The following PGC variants were observed in gnomAD, a reference collection of about 807,000 sequenced individuals.
PGC encodes the protein progastricsin, also known as gastricsin.
In PGC, 31 loss-of-function variants were observed where a neutral mutation model predicts 45.9. The ratio of observed to expected loss-of-function variants is 0.67; its 90% CI spans 0.51 to 0.91. The LOEUF (loss-of-function observed/expected upper bound fraction) is 0.91. Among genes scored for constraint, PGC ranks in the 40% least tolerant of loss-of-function variants. PGC has a pLI of 0.00. For missense variants in PGC, 477 were observed against 493.2 expected, an observed-to-expected ratio of 0.97 and a Z score of 0.31; for synonymous variants, 192 against 201.8, an observed-to-expected ratio of 0.95 and a Z score of 0.41.
In PGC at chr6:41,739,945, A is replaced by T. The variant is rs764307365; in HGVS notation, c.769T>A (p.Phe257Ile). 2 of 1,613,736 alleles carry T rather than the reference A, an allele frequency of 1.2e-6. No homozygotes were observed. Among genetic ancestry groups the T allele is most frequent in the South Asian group, 2.2e-5 (2 of 91,050 alleles). The change falls in exon 7 of 9, where the codon TTC becomes ATC. Residue 257 changes from phenylalanine (F) to isoleucine (I), a missense_variant and splice_region_variant. Transcript: ENST00000373025. ...CCGGAGGCCTGGCCGCCGATGAGGA[A>T]CCTGTATGGGGAGAAGACAGGCAGC... is the stretch of plus-strand genomic sequence containing the variant. ...ELYWQIGIEE[F>I]LIGGQASGWC...
At chr6:41,741,934 G>A (rs570620898) in intron 5 of PGC, 23 of 1,014,316 alleles carry the variant, frequency 2.3e-5, no homozygotes, top group Admixed American at 2.2e-4. Context: ...GGAAGTGAGC[G>A]AACTGCCCCA....
Position 41,744,669 on chromosome 6 carries a change from C to T in PGC, c.199G>A (p.Ala67Thr), listed in dbSNP as rs1488407732. Reference protein sequence around the residue: ...GDLSVTYEPMAYMDAAYFGEI... With the variant: ...GDLSVTYEPMTYMDAAYFGEI... ...GGGTCAGGACTCACATCCATGTAGG[C>T]CATGGGCTCGTAGGTCACGCTGAGG... is the stretch of plus-strand genomic sequence containing the variant. Residue 67 changes from alanine to threonine, a missense_variant, in exon 2 of 9, where the codon GCC becomes ACC. Ala to Thr is a moderately conservative substitution (Grantham distance 58). Coordinates refer to ENST00000373025, the MANE Select transcript of PGC (RefSeq NM_002630.4). This position sits in a 1 kb window ranked among gnomAD's most constrained non-coding sequence, Gnocchi z 4.4. The T allele has an allele frequency of 6.2e-7, 1 of 1,614,090 alleles. No individual in the cohort carries two copies. Among genetic ancestry groups the T allele is most frequent in the Admixed American group, 1.7e-5 (1 of 60,016 alleles).
At chr6:41,737,613 G>A in intron 8 of PGC, 117 bp downstream of exon 8, 1 of 631,474 alleles carries the variant, frequency 1.6e-6, no homozygotes, top group Non-Finnish European at 2.9e-6. Context: ...GAAGATAAAT[G>A]AGTACAAGCG....
chr6:41,743,550 C>T (rs868620439), intron 3 of PGC, among the ~76,000 whole-genome samples, 161 bp from the exon 4 acceptor site: 7 of 152,122 alleles, frequency 4.6e-5, no homozygotes, highest in Non-Finnish European at 1.0e-4. Context: ...ATTGGAAGGC[C>T]CATGGGAGCT....
At chr6:41,743,970 G>T (rs1771878834) in intron 3 of PGC, among the ~76,000 whole-genome samples, 1 of 152,174 alleles carries the variant, frequency 6.6e-6, no homozygotes, top group African/African-American at 2.4e-5. Flanking sequence ...ATCCTATATT[G>T]TTCTGTTGTG....
In PGC at chr6:41,739,789, C is replaced by G. The variant is rs199839907; in HGVS notation, c.915+10G>C. On this transcript the variant is annotated intron_variant, in intron 7 of 8. Coordinates refer to ENST00000373025, the MANE Select transcript of PGC (RefSeq NM_002630.4). The stretch of plus-strand genomic sequence containing the variant: ...CTCCTGGGGAAGAGAGACACCCTCA[C>G]CAGTCACACCTGTCCATACTCATCC... 43 of 1,603,022 alleles carry G rather than the reference C, an allele frequency of 2.7e-5. No individual in the cohort carries two copies. The highest frequency in any genetic ancestry group is 3.6e-5 in the Non-Finnish European group (42 of 1,173,926).
At chr6:41,740,211 C>T (rs189578363) in intron 6 of PGC, among the ~76,000 whole-genome samples, 2 of 152,322 alleles carry the variant, frequency 1.3e-5, no homozygotes, top group Admixed American at 6.5e-5. Flanking sequence ...AACACACCTT[C>T]GTTTCTAATC....
intron 7 of PGC, among the ~76,000 whole-genome samples, chr6:41,738,193 T>TATATATATGC (rs1771740668): frequency 8.5e-5 from 3 of 35,356 alleles, no homozygotes; most frequent in African/African-American, 1.5e-4. Flanking sequence ...TATATATGCA[T>TATATATATGC]ATATATATGC....
Position 41,742,485 on chromosome 6 carries a change from T to C in PGC, c.452A>G (p.Gln151Arg), listed in dbSNP as rs1771848197. The C allele has an allele frequency of 6.2e-7, 1 of 1,613,958 alleles. No individual in the cohort carries two copies. Among genetic ancestry groups the C allele is most frequent in the Non-Finnish European group, 8.5e-7 (1 of 1,179,818 alleles). Residue 151 changes from glutamine to arginine, a missense_variant, in exon 5 of 9, where the codon CAG (glutamine) becomes CGG (arginine). By Grantham distance (43) the Gln-to-Arg change is conservative (BLOSUM62 1). Coordinates refer to ENST00000373025, the MANE Select transcript of PGC (RefSeq NM_002630.4). ...CTCCTGGTTGGGGACCTGGATGCTC[T>C]GGACCTAATGGAGACACAAACGAGG... ...GFFGYDTLTV[Q>R]SIQVPNQEFG...
In PGC at chr6:41,744,497, C is replaced by G; in HGVS notation, c.228G>C (p.Glu76Asp). The stretch of plus-strand genomic sequence containing the variant: ...TCTGGGGTGGAGTCCCGATGCTGAT[C>G]TCACCAAAGTAGGCAGCCTGGGGGC... ...MAYMDAAYFG[E>D]ISIGTPPQNF... Residue 76 changes from glutamate (E) to aspartate (D), a missense_variant, in exon 3 of 9, where the codon GAG becomes GAC. Physicochemically the swap from Glu to Asp is conservative, Grantham distance 45. Coordinates refer to ENST00000373025, the MANE Select transcript of PGC (RefSeq NM_002630.4). The surrounding 1 kb of genome is among the most constrained non-coding windows in gnomAD (Gnocchi z 4.4). 2 of 1,613,634 alleles carry G rather than the reference C, an allele frequency of 1.2e-6. No homozygotes were observed. The highest frequency in any genetic ancestry group is 8.5e-7 in the Non-Finnish European group (1 of 1,179,606).
At chr6:41,745,591 C>T (rs1252169910) in intron 1 of PGC, among the ~76,000 whole-genome samples, 4 of 149,462 alleles carry the variant, frequency 2.7e-5, no homozygotes, top group African/African-American at 1.0e-4. Flanking sequence ...CTCTTGTTGC[C>T]CAGGCTGGAG....
rs376048301 is a variant in PGC at position 41,744,045 on chromosome 6, A to AATGGAGTGGGATGGAGTGGG, written c.328+332_328+351dup. Among the ~76,000 whole-genome samples, 8 of 152,160 alleles carry AATGGAGTGGGATGGAGTGGG rather than the reference A, an allele frequency of 5.3e-5. No homozygotes were observed. The highest frequency in any genetic ancestry group is 1.9e-4 in the East Asian group (1 of 5,158). On this transcript the variant is annotated intron_variant, in intron 3 of 8. Transcript: ENST00000373025. The surrounding 1 kb of genome is among the most constrained non-coding windows in gnomAD (Gnocchi z 4.4). The stretch of plus-strand genomic sequence containing the variant: ...GGTGGAGCAGAATAGAATGGAGTAG[A>AATGGAGTGGGATGGAGTGGG]ATGGAGTGGGATGGAGTGGGATGGA...
Position 41,741,398 on chromosome 6 carries a change from C to T in PGC, c.648-788G>A, listed in dbSNP as rs1358072523. Among the ~76,000 whole-genome samples the T allele has an allele frequency of 2.6e-5, 4 of 152,196 alleles. No homozygotes were observed. In the East Asian group the frequency reaches 5.8e-4, roughly 22 times the overall value. ...CAGTGGCTCACACCTGTAATCCCAA[C>T]ACTTTGGAAGGCCGAGGCGGGTGGA... On this transcript the variant is annotated intron_variant, in intron 5 of 8. Transcript: ENST00000373025.
intron 8 of PGC, among the ~76,000 whole-genome samples, chr6:41,737,358 T>A (rs1278086576): frequency 6.6e-6 from 1 of 152,230 alleles, no homozygotes; most frequent in Non-Finnish European, 1.5e-5. Context: ...TTGAGTCAGT[T>A]ACTCAACCTC....
In PGC at chr6:41,736,751, A is replaced by G; in HGVS notation, c.*101T>C. ...TATTATTAGAGAAAGTCCAGAGTCC[A>G]GAAAAAGAAGGCTGAATCCAGAGTG... On this transcript the variant is annotated 3_prime_UTR_variant, in exon 9 of 9. Transcript: ENST00000373025. The G allele has an allele frequency of 3.2e-6, 4 of 1,231,550 alleles. No individual in the cohort carries two copies. Among genetic ancestry groups the G allele is most frequent in the Non-Finnish European group, 4.8e-6 (4 of 832,712 alleles). 76.3% of individuals were successfully genotyped at this position (1,231,550 alleles called of 1,614,324 possible). A position where few individuals can be genotyped will look rare whatever the true frequency, so the allele number is the denominator to read the frequency against.
chr6:41,738,061 C>G (rs1771721188), intron 7 of PGC, among the ~76,000 whole-genome samples: 1 of 150,228 alleles, frequency 6.7e-6, no homozygotes, highest in Non-Finnish European at 1.5e-5. Context: ...CCTAACTCCT[C>G]TTGCCTCGAT....
intron 5 of PGC, 35 bp from the exon 6 acceptor site, chr6:41,740,645 T>A: frequency 6.4e-7 from 1 of 1,563,458 alleles, no homozygotes; most frequent in Non-Finnish European, 8.6e-7. Context: ...AGTCAGGGAG[T>A]GCCATGGAAA....
At chr6:41,745,243 C>CT (rs11304918) in intron 1 of PGC, among the ~76,000 whole-genome samples, 9 of 148,388 alleles carry the variant, frequency 6.1e-5, no homozygotes, top group Admixed American at 1.3e-4. Flanking sequence ...AGGATATGTA[C>CT]TTTTTTTTTT....
intron 1 of PGC, among the ~76,000 whole-genome samples, chr6:41,746,938 A>G (rs977521118): frequency 2.6e-5 from 4 of 152,244 alleles, no homozygotes; most frequent in African/African-American, 9.6e-5. Flanking sequence ...CCCTTATCCA[A>G]AAAGGATTGC....
Sources: gnomAD v4.1 joint callset for allele counts (sites outside exome capture counted in the v4.1 genomes callset) on GRCh38, gnomAD v4.1.1 for gene constraint, Gnocchi (gnomAD v3.1) non-coding constraint, MANE v1.5 for transcripts, NCBI Gene and HGNC (gene_info 2026-07-23, HGNC 2026-07-21) for gene names.